The following RBM47 variants were observed in gnomAD, a reference collection of about 807,000 sequenced individuals.
RBM47 encodes RNA-binding protein 47.
RBM47 carries 21 observed loss-of-function variants against 47.1 expected under a neutral mutation model. The observed-to-expected ratio is 0.45, with a 90% confidence interval of 0.32 to 0.64. The LOEUF is 0.64. Ranked by LOEUF, RBM47 falls within the 30% of genes least tolerant of loss-of-function variation. RBM47 has a pLI of 0.05. For synonymous variants in RBM47, 375 were observed against 361.7 expected, an observed-to-expected ratio of 1.04 and a Z score of -0.42; for missense variants, 708 against 870.9, an observed-to-expected ratio of 0.81 and a Z score of 2.35.
intron 1 of RBM47, among the ~76,000 whole-genome samples, chr4:40,600,588 C>T (rs963778779): frequency 6.7e-6 from 1 of 149,332 alleles, no homozygotes; most frequent in Non-Finnish European, 1.5e-5. Flanking sequence ...GAGCGGAGAT[C>T]GCTCCACTGC....
intron 2 of RBM47, among the ~76,000 whole-genome samples, chr4:40,509,037 T>G (rs1724509964): frequency 6.6e-6 from 1 of 152,144 alleles, no homozygotes; most frequent in South Asian, 2.1e-4. Flanking sequence ...GGCGCGTGCC[T>G]GTAGCCCAGC....
intron 2 of RBM47, among the ~76,000 whole-genome samples, chr4:40,477,669 A>G (rs1719812905): frequency 6.6e-6 from 1 of 152,186 alleles, no homozygotes; most frequent in South Asian, 2.1e-4. Flanking sequence ...GCAAAAACAT[A>G]GGAAATAAAC....
chr4:40,470,079 C>T (rs1718628409), intron 2 of RBM47, among the ~76,000 whole-genome samples: 1 of 152,136 alleles, frequency 6.6e-6, no homozygotes, highest in Admixed American at 6.6e-5. Context: ...CCAGTCCAAA[C>T]CTTTGATTTT....
chr4:40,518,791 T>C lies in RBM47; in HGVS notation c.-155+25631A>G, dbSNP rs555949317. On this transcript the variant is annotated intron_variant, in intron 2 of 6. Transcript: ENST00000295971. ...ACATAAAATACACTGATACTAATGA[T>C]AGCTTATGAGCTTTAAAAAAAAAAA... is the stretch of plus-strand genomic sequence containing the variant. 1.5e-4 allele frequency among the ~76,000 whole-genome samples: 22 copies of C among 151,666 alleles called. No individual in the cohort carries two copies. The South Asian group carries it at 4.6e-3, about 32-fold the overall frequency.
intron 2 of RBM47, among the ~76,000 whole-genome samples, chr4:40,497,810 C>T (rs1016659111): frequency 9.6e-5 from 14 of 145,730 alleles, no homozygotes. Context: ...CCTGTCTCTA[C>T]AGCAAATTAA....
intron 2 of RBM47, among the ~76,000 whole-genome samples, chr4:40,528,714 G>T (rs750900811): frequency 6.6e-6 from 1 of 152,076 alleles, no homozygotes; most frequent in Admixed American, 6.6e-5. Flanking sequence ...GCAGTGAGCC[G>T]AGATCGTGCC....
At chr4:40,610,795 G>A (rs976404788) in intron 1 of RBM47, among the ~76,000 whole-genome samples, 21 of 151,946 alleles carry the variant, frequency 1.4e-4, no homozygotes, top group African/African-American at 5.1e-4. Context: ...GACTATTCTC[G>A]TGATAGTGAA....
At chr4:40,498,718 C>T (rs1345104474) in intron 2 of RBM47, among the ~76,000 whole-genome samples, 2 of 147,086 alleles carry the variant, frequency 1.4e-5, no homozygotes, top group African/African-American at 2.5e-5. Flanking sequence ...AATTGATGTA[C>T]GATGTGCTAG....
chr4:40,465,786 G>A (rs1717923916), intron 3 of RBM47, among the ~76,000 whole-genome samples: 3 of 152,138 alleles, frequency 2.0e-5, no homozygotes, highest in African/African-American at 7.2e-5. Context: ...CATATGTTGT[G>A]GTTCTTTGGA....
chr4:40,520,391 C>G (rs1004578727), intron 2 of RBM47, among the ~76,000 whole-genome samples: 4 of 152,176 alleles, frequency 2.6e-5, no homozygotes, highest in African/African-American at 9.7e-5. Context: ...TTTTCAACTG[C>G]AGAGCTGCAA....
chr4:40,589,397 G>T (rs1733913882), intron 1 of RBM47, among the ~76,000 whole-genome samples: 2 of 152,116 alleles, frequency 1.3e-5, no homozygotes, highest in African/African-American at 2.4e-5. Context: ...ACTGTACAAT[G>T]TAGTTTTTAT....
Position 40,604,782 on chromosome 4 carries a change from T to A in RBM47, c.-240+24614A>T, listed in dbSNP as rs545221647. Among the ~76,000 whole-genome samples, 6 of 152,240 alleles carry A rather than the reference T, an allele frequency of 3.9e-5. No individual in the cohort carries two copies. The East Asian group carries it at 1.2e-3, about 29-fold the overall frequency. ...CCCAGGCTGGAGTACAGTGGTGCAA[T>A]CTCAGCTCACTGCAACCTCTGCCTC... On this transcript the variant is annotated intron_variant, in intron 1 of 6. Transcript: ENST00000295971.
chr4:40,597,486 G>T (rs952728663), intron 1 of RBM47, among the ~76,000 whole-genome samples: 3 of 151,496 alleles, frequency 2.0e-5, no homozygotes, highest in Non-Finnish European at 4.4e-5. Context: ...GGAGGCTGAG[G>T]CAGGAGAATG....
At chr4:40,593,883 C>A (rs1482887456) in intron 1 of RBM47, among the ~76,000 whole-genome samples, 98 of 116,162 alleles carry the variant, frequency 8.4e-4, no homozygotes, top group African/African-American at 1.0e-3. Context: ...GACTCTGTCT[C>A]AAAAAAAAAA....
intron 2 of RBM47, among the ~76,000 whole-genome samples, chr4:40,486,671 G>A (rs963157193): frequency 6.6e-6 from 1 of 152,168 alleles, no homozygotes; most frequent in African/African-American, 2.4e-5. Flanking sequence ...CCCCAGTAGA[G>A]GATCTTTAGA....
At chr4:40,588,569 G>T (rs1315343347) in intron 1 of RBM47, among the ~76,000 whole-genome samples, 3 of 152,182 alleles carry the variant, frequency 2.0e-5, no homozygotes, top group Non-Finnish European at 4.4e-5. Context: ...CACTGACAGG[G>T]ATGAGAGCCT....
rs766521394 is a variant in RBM47, at chr4:40,438,717, C to T, written c.177G>A (p.Pro59=). ...ENGQRKYGGP[P]PGWEGPHPQR... ...GCGGGTGCGGGCCCTCCCAGCCGGG[C>T]GGTGGGCCGCCGTACTTGCGCTGCC... The change falls in exon 4 of 7, where the codon CCG becomes CCA. Residue 59 remains proline, a synonymous_variant. Coordinates refer to ENST00000295971, the MANE Select transcript of RBM47 (RefSeq NM_001098634.2). 6 of 1,607,128 alleles carry T rather than the reference C, an allele frequency of 3.7e-6. No individual in the cohort carries two copies. In the South Asian group the frequency reaches 4.4e-5, roughly 12 times the overall value.
intron 3 of RBM47, among the ~76,000 whole-genome samples, chr4:40,447,894 C>G (rs990615382): frequency 6.6e-6 from 1 of 152,152 alleles, no homozygotes; most frequent in Admixed American, 6.6e-5. Context: ...GCCTGTAGTC[C>G]CAGTTACTCT....
chr4:40,513,642 T>G (rs1002630543), intron 2 of RBM47, among the ~76,000 whole-genome samples: 1 of 152,134 alleles, frequency 6.6e-6, no homozygotes, highest in African/African-American at 2.4e-5. Context: ...ATGACCAGTA[T>G]AGAAAAAGTC....
Sources: allele counts gnomAD v4.1 joint callset (sites outside exome capture counted in the v4.1 genomes callset), GRCh38; gene constraint gnomAD v4.1.1; transcripts MANE v1.5; gene names NCBI Gene and HGNC (gene_info 2026-07-23, HGNC 2026-07-21).